CPNE4: variants seen among roughly 807,000 people sequenced by gnomAD.
The protein encoded by CPNE4 is copine 4, also known as copine-4.
Under a neutral mutation model 67.9 loss-of-function variants are expected in CPNE4, and 25 were observed. The ratio of observed to expected loss-of-function variants is 0.37; its 90% confidence interval spans 0.27 to 0.51. The LOEUF (loss-of-function observed/expected upper bound fraction) is 0.51. Ranked by LOEUF, CPNE4 falls within the 20% of genes least tolerant of loss-of-function variation. CPNE4 has a pLI of 0.93. For missense variants in CPNE4, 464 were observed against 690.8 expected (o/e 0.67, Z 3.68); for synonymous variants, 242 against 244.9 (o/e 0.99, Z 0.11).
intron 7 of CPNE4, among the ~76,000 whole-genome samples, chr3:131,639,515 T>C (rs1292689086): frequency 5.3e-5 from 8 of 151,956 alleles, no homozygotes; most frequent in Non-Finnish European, 4.4e-5. Context: ...GAAATGGTAA[T>C]AAAAAATTGT....
At chr3:131,812,570 G>C (rs1333155335) in intron 2 of CPNE4, among the ~76,000 whole-genome samples, 1 of 152,194 alleles carries the variant, frequency 6.6e-6, no homozygotes, top group African/African-American at 2.4e-5. Flanking sequence ...AACAGCCCTA[G>C]GGCTAAATAT....
At chr3:132,020,815 G>T (rs6780953) in intron 1 of CPNE4, among the ~76,000 whole-genome samples, 104,579 of 152,036 alleles carry the variant, frequency 0.69, 36,845 homozygotes, top group Middle Eastern at 0.75. Context: ...GCCCCGCACA[G>T]CTGGAACATG....
chr3:131,633,927 T>C (rs1290744900), intron 7 of CPNE4, among the ~76,000 whole-genome samples: 1 of 152,192 alleles, frequency 6.6e-6, no homozygotes, highest in Non-Finnish European at 1.5e-5. Context: ...TAAATTGTTC[T>C]ACTATTGTTG....
At chr3:131,935,345 T>C (rs973850573) in intron 1 of CPNE4, among the ~76,000 whole-genome samples, 1 of 152,168 alleles carries the variant, frequency 6.6e-6, no homozygotes, top group African/African-American at 2.4e-5. Flanking sequence ...ATCAATAACT[T>C]GGACATCTCA....
intron 2 of CPNE4, among the ~76,000 whole-genome samples, chr3:131,842,053 G>C (rs774505340): frequency 6.6e-6 from 1 of 152,162 alleles, no homozygotes; most frequent in Non-Finnish European, 1.5e-5. Context: ...TAGGCTTGAA[G>C]TGCCTGGGCC....
At chr3:131,557,497 A>G (rs557809676) in intron 11 of CPNE4, among the ~76,000 whole-genome samples, 8 of 152,030 alleles carry the variant, frequency 5.3e-5, no homozygotes, top group Non-Finnish European at 1.2e-4. Flanking sequence ...AACATAGCCA[A>G]TTGTATCAAA....
intron 1 of CPNE4, among the ~76,000 whole-genome samples, chr3:132,007,501 C>T (rs944320897): frequency 1.2e-4 from 18 of 152,080 alleles, no homozygotes; most frequent in Admixed American, 9.8e-4. Context: ...TTAAATGAGA[C>T]GTGTGTGTGA....
intron 14 of CPNE4, among the ~76,000 whole-genome samples, chr3:131,549,076 A>G (rs1582772341): frequency 1.3e-5 from 2 of 152,274 alleles, no homozygotes; most frequent in East Asian, 3.9e-4. Flanking sequence ...CGAGAATATA[A>G]CTGCAGAGTC....
chr3:131,862,116 G>T (rs1411559576), intron 2 of CPNE4, among the ~76,000 whole-genome samples: 1 of 152,086 alleles, frequency 6.6e-6, no homozygotes, highest in Non-Finnish European at 1.5e-5. Flanking sequence ...ACGAGATGTA[G>T]AGCAAGAACT....
chr3:131,765,241 T>G (rs2082981665), intron 2 of CPNE4, among the ~76,000 whole-genome samples: 1 of 152,092 alleles, frequency 6.6e-6, no homozygotes, highest in Admixed American at 6.6e-5. Flanking sequence ...ATATCATGCT[T>G]CCCTCTCTGT....
At chr3:131,954,985 A>G (rs989516648) in intron 1 of CPNE4, among the ~76,000 whole-genome samples, 4 of 148,670 alleles carry the variant, frequency 2.7e-5, no homozygotes, top group African/African-American at 9.9e-5. Context: ...AAAAAAAAAG[A>G]ATTCCTTCTT....
At chr3:131,694,231 C>G (rs945736851) in intron 5 of CPNE4, among the ~76,000 whole-genome samples, 2 of 152,034 alleles carry the variant, frequency 1.3e-5, no homozygotes, top group African/African-American at 4.8e-5. Context: ...TTTATAGTGA[C>G]TTTTAGTCAT....
intron 1 of CPNE4, among the ~76,000 whole-genome samples, chr3:131,945,158 G>C (rs1008827705): frequency 4.6e-5 from 7 of 151,790 alleles, no homozygotes; most frequent in Non-Finnish European, 1.0e-4. Flanking sequence ...AAGAATTACA[G>C]TCAGCTACTA....
chr3:132,024,353 G>A (rs1238208976), intron 1 of CPNE4, among the ~76,000 whole-genome samples: 1 of 152,070 alleles, frequency 6.6e-6, no homozygotes, highest in Non-Finnish European at 1.5e-5. Flanking sequence ...CAAAGTGTTG[G>A]GATTACAGGT....
At chr3:131,749,690 TTATTA>T (rs1240467175) in intron 2 of CPNE4, among the ~76,000 whole-genome samples, 1 of 152,158 alleles carries the variant, frequency 6.6e-6, no homozygotes, top group African/African-American at 2.4e-5. Context: ...CATACTTTTA[TTATTA>T]TATAAGATTT....
chr3:131,651,046 T>G (rs2079804609), intron 7 of CPNE4, among the ~76,000 whole-genome samples: 1 of 152,132 alleles, frequency 6.6e-6, no homozygotes. Context: ...ATTTCCTAGG[T>G]GAGGCTCTGA....
intron 1 of CPNE4, among the ~76,000 whole-genome samples, chr3:132,000,697 C>A (rs905595569): frequency 1.3e-5 from 2 of 151,546 alleles, no homozygotes; most frequent in Non-Finnish European, 2.9e-5. Context: ...ATGAGAAAAG[C>A]ATTGCAGGCA....
chr3:131,933,382 T>C (rs921338675), intron 1 of CPNE4, among the ~76,000 whole-genome samples: 6 of 152,108 alleles, frequency 3.9e-5, no homozygotes, highest in African/African-American at 1.2e-4. Flanking sequence ...TCGTGAAAAG[T>C]GGAATATGTA....
intron 12 of CPNE4, among the ~76,000 whole-genome samples, chr3:131,554,333 C>A (rs181851113): frequency 2.5e-3 from 382 of 152,196 alleles, no homozygotes; most frequent in Admixed American, 4.8e-3. Context: ...AACCAGAAAT[C>A]TGACATTTTA....
Sources: allele counts gnomAD v4.1 joint callset (sites outside exome capture counted in the v4.1 genomes callset), GRCh38; gene constraint gnomAD v4.1.1; transcripts MANE v1.5; gene names NCBI Gene and HGNC (gene_info 2026-07-23, HGNC 2026-07-21).